The following PCDH17 variants were observed in gnomAD, a reference collection of about 807,000 sequenced individuals.
The protein encoded by PCDH17 is protocadherin 17, also known as protocadherin-17.
Under a neutral mutation model 67.7 loss-of-function variants are expected in PCDH17, and 21 were observed. That is an observed-to-expected ratio of 0.31 (90% CI 0.22 to 0.45). PCDH17 has a LOEUF of 0.45. Among genes scored for constraint, PCDH17 ranks in the 20% least tolerant of loss-of-function variants. The pLI is 1.00. For missense variants in PCDH17, 1,471 were observed against 1,564.8 expected (o/e 0.94, Z 1.01); for synonymous variants, 701 against 656.7 (o/e 1.07, Z -1.03).
At chr13:57,712,444 A>G (rs184831649) in intron 3 of PCDH17, among the ~76,000 whole-genome samples, 1 of 151,888 alleles carries the variant, frequency 6.6e-6, no homozygotes, top group Non-Finnish European at 1.5e-5. Context: ...TAAGCATTAT[A>G]AAGAAATGTG....
At chr13:57,658,844 A>G (rs1234893985) in intron 1 of PCDH17, among the ~76,000 whole-genome samples, 1 of 151,894 alleles carries the variant, frequency 6.6e-6, no homozygotes, top group Non-Finnish European at 1.5e-5. Context: ...CAATGGTGCA[A>G]TCTCTGCTCA....
intron 3 of PCDH17, among the ~76,000 whole-genome samples, chr13:57,704,097 A>G (rs556601525): frequency 1.3e-5 from 2 of 152,230 alleles, no homozygotes; most frequent in Non-Finnish European, 2.9e-5. Flanking sequence ...GTACTCTTAG[A>G]TACCTGTTCT....
Position 57,693,344 on chromosome 13 carries a change from A to ATATATATATC in PCDH17, c.2797+26512_2797+26513insATATATATCT, listed in dbSNP as rs1384014902. Among the ~76,000 whole-genome samples, 3 of 141,036 alleles carry ATATATATATC rather than the reference A, an allele frequency of 2.1e-5. No individual in the cohort carries two copies. The South Asian group carries it at 6.7e-4, about 31-fold the overall frequency. The allele number at this position is 141,036 out of a possible 152,430, so 92.5% of individuals were successfully genotyped here. ...TATATATATATATATATATATATATATCAAGGAGTTAGGATACAAAATATC... is the reference window on the plus strand; with the variant it reads ...TATATATATATATATATATATATATATATATATATCTCAAGGAGTTAGGATACAAAATATC... On this transcript the variant is annotated intron_variant, in intron 3 of 3. Transcript: ENST00000377918.
Position 57,632,353 on chromosome 13 carries a change from A to T in PCDH17, c.-194A>T, listed in dbSNP as rs1954736419. Reference sequence around the variant, plus strand: ...TCACCCAGTGCGGATGCTGTAGATCAACAGGTTCAGGGAACTTGAGCAGAA... The same window carrying T: ...TCACCCAGTGCGGATGCTGTAGATCTACAGGTTCAGGGAACTTGAGCAGAA... On this transcript the variant is annotated 5_prime_UTR_variant, in exon 1 of 4. Coordinates refer to ENST00000377918, the MANE Select transcript of PCDH17 (RefSeq NM_001040429.3). 1.3e-5 allele frequency: 8 copies of T among 608,744 alleles called. No homozygotes were observed. The South Asian group carries it at 1.6e-4, about 13-fold the overall frequency. The allele number at this position is 608,744 out of a possible 1,614,324, so 37.7% of individuals were successfully genotyped here.
At position 57,724,716 on chromosome 13, in the gene PCDH17, G is replaced by A. The variant is rs1229025797; in HGVS notation, c.2902G>A (p.Asp968Asn). The change falls in exon 4 of 4, where the codon GAT (aspartate) becomes AAT (asparagine). Residue 968 changes from aspartate to asparagine, a missense_variant. By Grantham distance (23) the Asp-to-Asn change is conservative. Coordinates refer to ENST00000377918, the MANE Select transcript of PCDH17 (RefSeq NM_001040429.3). The stretch of plus-strand genomic sequence containing the variant: ...TGCAGCCAATCAGGCTGAAAATGCA[G>A]ATTACCGCACAAATCTCTTTGTACC... ...FPAANQAENADYRTNLFVPTV... is the reference protein window; with the variant it reads ...FPAANQAENANYRTNLFVPTV... 1.2e-6 allele frequency: 2 copies of A among 1,613,982 alleles called. No individual in the cohort carries two copies. Among genetic ancestry groups the A allele is most frequent in the African/African-American group, 2.7e-5 (2 of 74,928 alleles).
In PCDH17 at chr13:57,725,498, C is replaced by A; in HGVS notation, c.*204C>A. ...GAGATAACAATGGTTTCGTTTTGAC[C>A]AAACTTGTATTAGGACAGAATTAAT... On this transcript the variant is annotated 3_prime_UTR_variant, in exon 4 of 4. Transcript: ENST00000377918. 7.9e-6 allele frequency: 4 copies of A among 504,812 alleles called. No individual in the cohort carries two copies. The highest frequency in any genetic ancestry group is 1.4e-5 in the Non-Finnish European group (4 of 286,614). 31.3% of individuals were successfully genotyped at this position (504,812 alleles called of 1,614,324 possible). A position where few individuals can be genotyped will look rare whatever the true frequency, so the allele number is the denominator to read the frequency against.
chr13:57,635,565 T>A (rs1954813224), intron 1 of PCDH17, among the ~76,000 whole-genome samples: 1 of 152,198 alleles, frequency 6.6e-6, no homozygotes, highest in Non-Finnish European at 1.5e-5. Context: ...TTAACTTCTT[T>A]AAGTACAGAA....
At position 57,666,343 on chromosome 13, in the gene PCDH17, G is replaced by A. The variant is rs1955253055; in HGVS notation, c.2566-125G>A. ...CAGCAATTTCCAATTTAATTAAAATGTACAAATCTGAAGATTAAGGGAATT... is the reference window on the plus strand; with the variant it reads ...CAGCAATTTCCAATTTAATTAAAATATACAAATCTGAAGATTAAGGGAATT... On this transcript the variant is annotated intron_variant, in intron 1 of 3. Coordinates refer to ENST00000377918, the MANE Select transcript of PCDH17 (RefSeq NM_001040429.3). 4 of 712,966 alleles carry A rather than the reference G, an allele frequency of 5.6e-6. No homozygotes were observed. The East Asian group carries it at 8.1e-5, about 14-fold the overall frequency. 44.2% of individuals were successfully genotyped at this position (712,966 alleles called of 1,614,324 possible).
rs534863167 is a variant in PCDH17 at position 57,693,091 on chromosome 13, T to G, written c.2797+26258T>G. On this transcript the variant is annotated intron_variant, in intron 3 of 3. Coordinates refer to ENST00000377918, the MANE Select transcript of PCDH17 (RefSeq NM_001040429.3). ...GATAGGAGGTTATAGTTTTTGTACT[T>G]ATCTCCAGGGATATGCCTGTTGTCA... is the stretch of plus-strand genomic sequence containing the variant. 1.6e-4 allele frequency among the ~76,000 whole-genome samples: 24 copies of G among 150,642 alleles called. 1 individual carries two copies. In the South Asian group the frequency reaches 5.0e-3, roughly 31 times the overall value.
chr13:57,723,461 T>C (rs1295134743), intron 3 of PCDH17, among the ~76,000 whole-genome samples: 3 of 152,212 alleles, frequency 2.0e-5, no homozygotes, highest in African/African-American at 7.2e-5. Context: ...ATGTTTCATG[T>C]GGACATCCTT....
intron 1 of PCDH17, 80 bp downstream of exon 1, chr13:57,635,191 G>A: frequency 7.0e-7 from 1 of 1,426,426 alleles, no homozygotes; most frequent in Non-Finnish European, 9.6e-7. Context: ...AACAGGGCAA[G>A]CCACTCTGCC....
At chr13:57,691,759 A>T (rs1272316337) in intron 3 of PCDH17, among the ~76,000 whole-genome samples, 1 of 151,288 alleles carries the variant, frequency 6.6e-6, no homozygotes, top group African/African-American at 2.4e-5. Context: ...ATTTTAATTC[A>T]TGGAGAAAGT....
Position 57,631,787 on chromosome 13 carries a change from G to GA in PCDH17, c.-750dup, listed in dbSNP as rs3832888. 14 of 151,276 alleles carry GA rather than the reference G, an allele frequency of 9.3e-5. No individual in the cohort carries two copies. Among genetic ancestry groups the GA allele is most frequent in the Non-Finnish European group, 1.9e-4 (13 of 67,916 alleles). The allele number at this position is 151,276 out of a possible 1,614,324, so 9.4% of individuals were successfully genotyped here. On this transcript the variant is annotated 5_prime_UTR_variant, in exon 1 of 4. Transcript: ENST00000377918. ...TTGGCTGCTCGGAAAGGAGAGAGAG[G>GA]AAAAAAAAAATACGCTTGGCTGGTA...
intron 3 of PCDH17, among the ~76,000 whole-genome samples, chr13:57,695,593 A>T (rs571430364): frequency 1.1e-4 from 16 of 151,242 alleles, no homozygotes; most frequent in African/African-American, 3.9e-4. Context: ...AAATCAACCA[A>T]TTTTTAACAT....
intron 3 of PCDH17, among the ~76,000 whole-genome samples, chr13:57,713,351 G>A (rs1234799856): frequency 6.6e-6 from 1 of 151,678 alleles, no homozygotes; most frequent in Non-Finnish European, 1.5e-5. Flanking sequence ...AATTGTAGAG[G>A]ATAAAACACA....
intron 1 of PCDH17, among the ~76,000 whole-genome samples, chr13:57,642,434 T>C (rs988551407): frequency 2.0e-5 from 3 of 151,696 alleles, no homozygotes; most frequent in African/African-American, 7.2e-5. Context: ...ATTTAGACAA[T>C]GACTTGATAT....
intron 3 of PCDH17, among the ~76,000 whole-genome samples, chr13:57,708,002 T>G (rs1332164402): frequency 2.0e-5 from 3 of 151,856 alleles, no homozygotes; most frequent in Non-Finnish European, 4.4e-5. Context: ...CATTTTAGGG[T>G]GGGGGGCAGT....
intron 1 of PCDH17, among the ~76,000 whole-genome samples, chr13:57,648,167 G>A (rs1455228473): frequency 6.6e-6 from 1 of 151,838 alleles, no homozygotes; most frequent in Non-Finnish European, 1.5e-5. Flanking sequence ...GTGATAGAAA[G>A]GCTCTAGGAG....
intron 3 of PCDH17, among the ~76,000 whole-genome samples, chr13:57,700,199 C>G (rs570799742): frequency 6.6e-6 from 1 of 152,050 alleles, no homozygotes; most frequent in African/African-American, 2.4e-5. Context: ...TATTTTGCCC[C>G]TAAGTTTCCT....
Sources: gnomAD v4.1 joint callset for allele counts (sites outside exome capture counted in the v4.1 genomes callset) on GRCh38, gnomAD v4.1.1 for gene constraint, MANE v1.5 for transcripts, NCBI Gene and HGNC (gene_info 2026-07-23, HGNC 2026-07-21) for gene names.